GULP1: variants seen among roughly 807,000 people sequenced by gnomAD.
The protein encoded by GULP1 is PTB domain-containing engulfment adapter protein 1.
GULP1 carries 19 observed loss-of-function variants against 40.9 expected under a neutral mutation model. That is an observed-to-expected ratio of 0.46 (90% CI 0.32 to 0.68). The LOEUF is 0.68. Among genes scored for constraint, GULP1 ranks in the 30% least tolerant of loss-of-function variants. The pLI, the probability that GULP1 is intolerant of heterozygous loss-of-function variation, is 0.03. For missense variants in GULP1, 312 were observed against 362.2 expected, an observed-to-expected ratio of 0.86 and a Z score of 1.12; for synonymous variants, 119 against 117.6, an observed-to-expected ratio of 1.01 and a Z score of -0.08.
intron 9 of GULP1, among the ~76,000 whole-genome samples, chr2:188,574,469 C>T (rs1392375828): frequency 6.6e-6 from 1 of 151,944 alleles, no homozygotes; most frequent in Non-Finnish European, 1.5e-5. Context: ...ACCAAAAATA[C>T]AAAAATTAGC....
In GULP1 at chr2:188,594,430, A is replaced by G. The variant is rs1317956767; in HGVS notation, c.*419A>G. 6.5e-6 allele frequency: 1 copy of G among 154,282 alleles called. No homozygotes were observed. The highest frequency in any genetic ancestry group is 1.9e-4 in the East Asian group (1 of 5,394). 9.6% of individuals were successfully genotyped at this position (154,282 alleles called of 1,614,324 possible). On this transcript the variant is annotated 3_prime_UTR_variant, in exon 12 of 12. Coordinates refer to ENST00000409830, the MANE Select transcript of GULP1 (RefSeq NM_016315.4). The stretch of plus-strand genomic sequence containing the variant: ...GAGACATGCCAATGTCAAACTAAAC[A>G]TGTTCTGTTTTTAAACCAACAAACA...
chr2:188,535,373 C>CT (rs1167524111), intron 6 of GULP1, among the ~76,000 whole-genome samples: 1 of 151,938 alleles, frequency 6.6e-6, no homozygotes, highest in Non-Finnish European at 1.5e-5. Flanking sequence ...TACCCAGTGT[C>CT]TATTATTGCC....
intron 1 of GULP1, among the ~76,000 whole-genome samples, chr2:188,335,172 G>T (rs2152089063): frequency 6.6e-6 from 1 of 152,230 alleles, no homozygotes; most frequent in East Asian, 1.9e-4. Context: ...AGACTAGAAA[G>T]GTAATATAAT....
chr2:188,341,933 T>C (rs2043024224), intron 1 of GULP1, among the ~76,000 whole-genome samples: 1 of 152,172 alleles, frequency 6.6e-6, no homozygotes. Context: ...TTACAGCAAT[T>C]AATTCAGTCT....
intron 6 of GULP1, among the ~76,000 whole-genome samples, chr2:188,533,121 A>G (rs1325264033): frequency 6.6e-6 from 1 of 152,112 alleles, no homozygotes; most frequent in Non-Finnish European, 1.5e-5. Context: ...ATTGTTGGTT[A>G]TTTACCTGGA....
chr2:188,574,600 G>T (rs1317277533), intron 9 of GULP1, among the ~76,000 whole-genome samples: 1 of 152,080 alleles, frequency 6.6e-6, no homozygotes, highest in African/African-American at 2.4e-5. Context: ...AATGAGCCGT[G>T]ATCATGCCAC....
intron 6 of GULP1, among the ~76,000 whole-genome samples, chr2:188,537,567 A>G (rs1689266621): frequency 6.6e-6 from 1 of 152,028 alleles, no homozygotes; most frequent in Non-Finnish European, 1.5e-5. Flanking sequence ...TTTTTAATGT[A>G]CTGTGGAATT....
At chr2:188,593,904 C>T in intron 11 of GULP1, 36 bp from the exon 12 acceptor site, 3 of 1,113,332 alleles carry the variant, frequency 2.7e-6, no homozygotes, top group South Asian at 2.5e-5. Context: ...TTGCTGTAAG[C>T]ATTTCAGATA....
At chr2:188,549,770 G>A (rs1377037086) in intron 7 of GULP1, among the ~76,000 whole-genome samples, 9 of 151,720 alleles carry the variant, frequency 5.9e-5, no homozygotes, top group African/African-American at 9.7e-5. Context: ...CAATAAAAAG[G>A]CATGAACTAT....
At chr2:188,407,259 A>C (rs2053246902) in intron 2 of GULP1, among the ~76,000 whole-genome samples, 1 of 152,338 alleles carries the variant, frequency 6.6e-6, no homozygotes, top group African/African-American at 2.4e-5. Context: ...GCTAAATGAA[A>C]TTCTCAAAGC....
At chr2:188,436,702 A>G (rs1012036617) in intron 2 of GULP1, among the ~76,000 whole-genome samples, 2 of 152,106 alleles carry the variant, frequency 1.3e-5, no homozygotes, top group East Asian at 3.8e-4. Context: ...ATGTGCACTA[A>G]TTTAACAGGT....
chr2:188,474,894 C>A (rs553770536), intron 2 of GULP1, among the ~76,000 whole-genome samples: 2 of 152,062 alleles, frequency 1.3e-5, no homozygotes, highest in South Asian at 4.2e-4. Context: ...AAAAGTTTCT[C>A]TATAAAGAAG....
chr2:188,575,994 TG>T (rs1179193476), intron 9 of GULP1, among the ~76,000 whole-genome samples: 1 of 152,026 alleles, frequency 6.6e-6, no homozygotes, highest in Non-Finnish European at 1.5e-5. Context: ...ATGGATTGGT[TG>T]GGGGCAGTAC....
intron 1 of GULP1, among the ~76,000 whole-genome samples, chr2:188,320,054 C>A (rs924295404): frequency 6.6e-6 from 1 of 151,996 alleles, no homozygotes; most frequent in Non-Finnish European, 1.5e-5. Context: ...GCACAGTGCC[C>A]CTAGTTGTGA....
At chr2:188,413,855 T>C (rs1478771808) in intron 2 of GULP1, among the ~76,000 whole-genome samples, 1 of 152,172 alleles carries the variant, frequency 6.6e-6, no homozygotes, top group Non-Finnish European at 1.5e-5. Context: ...TGTTAAGAGA[T>C]GTTCCTATTT....
intron 1 of GULP1, among the ~76,000 whole-genome samples, chr2:188,322,941 T>C (rs2040204092): frequency 6.6e-6 from 1 of 152,134 alleles, no homozygotes; most frequent in African/African-American, 2.4e-5. Context: ...TCAAGACCTC[T>C]TTATCTTTAC....
intron 2 of GULP1, among the ~76,000 whole-genome samples, chr2:188,403,913 G>C (rs2152667634): frequency 6.6e-6 from 1 of 152,274 alleles, no homozygotes; most frequent in African/African-American, 2.4e-5. Flanking sequence ...AACCAGTGAA[G>C]TATTCAGATG....
At chr2:188,530,929 C>G (rs1404112977) in intron 6 of GULP1, among the ~76,000 whole-genome samples, 1 of 152,138 alleles carries the variant, frequency 6.6e-6, no homozygotes, top group Admixed American at 6.6e-5. Context: ...CCATAGGATA[C>G]ATATTGACAA....
intron 1 of GULP1, among the ~76,000 whole-genome samples, chr2:188,298,980 C>T (rs74902815): frequency 0.019 from 2,863 of 152,252 alleles, 92 homozygotes; most frequent in African/African-American, 0.065. Context: ...GGGGATCTTA[C>T]TATTAATGCA....
Sources: gnomAD v4.1 joint callset for allele counts (sites outside exome capture counted in the v4.1 genomes callset) on GRCh38, gnomAD v4.1.1 for gene constraint, MANE v1.5 for transcripts, NCBI Gene and HGNC (gene_info 2026-07-23, HGNC 2026-07-21) for gene names.